The following TMOD3 variants were observed in gnomAD, a reference collection of about 807,000 sequenced individuals.
TMOD3 encodes the protein tropomodulin 3, also known as tropomodulin-3.
TMOD3 carries 20 observed loss-of-function variants against 39.2 expected under a neutral mutation model. The ratio of observed to expected loss-of-function variants is 0.51; its 90% CI spans 0.36 to 0.74. TMOD3 has a LOEUF of 0.74. Among genes scored for constraint, TMOD3 ranks in the 30% least tolerant of loss-of-function variants. The pLI is 0.00. For synonymous variants in TMOD3, 143 were observed against 145.8 expected, an observed-to-expected ratio of 0.98 and a Z score of 0.14; for missense variants, 381 against 412.8, an observed-to-expected ratio of 0.92 and a Z score of 0.67.
chr15:51,848,894 CT>C (rs1229483998), intron 1 of TMOD3, among the ~76,000 whole-genome samples: 16 of 152,166 alleles, frequency 1.1e-4, no homozygotes, highest in African/African-American at 3.9e-4. Context: ...AGGCCAATTT[CT>C]AATTTTGGGG....
At chr15:51,852,579 C>T (rs1196876448) in intron 1 of TMOD3, among the ~76,000 whole-genome samples, 4 of 152,050 alleles carry the variant, frequency 2.6e-5, no homozygotes, top group Admixed American at 2.6e-4. Flanking sequence ...GAAGAAGGGG[C>T]TGCAAAGGAT....
intron 1 of TMOD3, among the ~76,000 whole-genome samples, chr15:51,857,147 G>A (rs72732907): frequency 0.031 from 4,729 of 152,276 alleles, 96 homozygotes; most frequent in Admixed American, 0.047. Flanking sequence ...CATACTCTGC[G>A]AGTCTGTTTA....
intron 5 of TMOD3, chr15:51,892,307 C>A (rs1196469818): frequency 6.6e-6 from 1 of 150,590 alleles, no homozygotes; most frequent in Admixed American, 6.7e-5. Context: ...ACTTGAATGA[C>A]CACAAAAAAG....
At chr15:51,896,941 A>G (rs1443999473) in intron 7 of TMOD3, among the ~76,000 whole-genome samples, 1 of 152,204 alleles carries the variant, frequency 6.6e-6, no homozygotes, top group African/African-American at 2.4e-5. Context: ...TGAGATGTTC[A>G]TATGGTTTTT....
At position 51,860,879 on chromosome 15, in the gene TMOD3, T is replaced by C. The variant is rs182046406; in HGVS notation, c.-74-1932T>C. The C allele has an allele frequency of 1.3e-5, 5 of 382,546 alleles. No homozygotes were observed. In the East Asian group the frequency reaches 3.4e-4, roughly 26 times the overall value. The allele number at this position is 382,546 out of a possible 1,614,324, so 23.7% of individuals were successfully genotyped here. A position where few individuals can be genotyped will look rare whatever the true frequency, so the allele number is the denominator to read the frequency against. ...TGAACCCAGGAGGCAGAGGTTGCAGTGAGCCGAGGTCATGCCACTGCACTC... is the reference window on the plus strand; with the variant it reads ...TGAACCCAGGAGGCAGAGGTTGCAGCGAGCCGAGGTCATGCCACTGCACTC... On this transcript the variant is annotated intron_variant, in intron 1 of 9. Coordinates refer to ENST00000308580, the MANE Select transcript of TMOD3 (RefSeq NM_014547.5).
chr15:51,858,492 A>G (rs2056399437), intron 1 of TMOD3: 1 of 152,022 alleles, frequency 6.6e-6, no homozygotes, highest in Middle Eastern at 3.2e-3. Flanking sequence ...ACAGGTATAC[A>G]CCAGACCTGT....
In TMOD3 at chr15:51,908,842, A is replaced by C; in HGVS notation, c.*32A>C. On this transcript the variant is annotated 3_prime_UTR_variant, in exon 10 of 10. Transcript: ENST00000308580. Reference sequence around the variant, plus strand: ...AAAGGTGTAATCTTTGGAAGACTTCAGAAGATCACCAAGGGCTCATGTTGG... The same window carrying C: ...AAAGGTGTAATCTTTGGAAGACTTCCGAAGATCACCAAGGGCTCATGTTGG... The C allele has an allele frequency of 6.3e-7, 1 of 1,582,488 alleles. No homozygotes were observed. The highest frequency in any genetic ancestry group is 8.6e-7 in the Non-Finnish European group (1 of 1,163,756).
intron 3 of TMOD3, among the ~76,000 whole-genome samples, chr15:51,869,609 C>T (rs1239508852): frequency 6.6e-6 from 1 of 152,134 alleles, no homozygotes; most frequent in Non-Finnish European, 1.5e-5. Flanking sequence ...TTTTGAATAA[C>T]ATTCTTTAAT....
chr15:51,869,160 A>G, intron 2 of TMOD3, 57 bp from the exon 3 acceptor site: 6 of 1,557,626 alleles, frequency 3.9e-6, no homozygotes, highest in Non-Finnish European at 5.2e-6. Flanking sequence ...AATCTTCGGA[A>G]GCATATAGCA....
chr15:51,896,795 T>C (rs148823014), intron 7 of TMOD3, among the ~76,000 whole-genome samples: 39 of 152,340 alleles, frequency 2.6e-4, no homozygotes, highest in African/African-American at 9.4e-4. Flanking sequence ...AACTTGATTT[T>C]TCACTCTGCA....
chr15:51,907,771 G>A (rs1200571889), intron 9 of TMOD3, among the ~76,000 whole-genome samples: 2 of 152,170 alleles, frequency 1.3e-5, no homozygotes, highest in African/African-American at 2.4e-5. Context: ...AGGTGAGAGC[G>A]CAGGTAGCAA....
rs1006366067 is a variant in TMOD3, at chr15:51,838,090, C to G, written c.-75+8254C>G. The stretch of plus-strand genomic sequence containing the variant: ...TGGAGGCGTACTTACTTCTGTGTAA[C>G]ACAGGGTGTGTGAAGATCGCTCCTT... On this transcript the variant is annotated intron_variant, in intron 1 of 9. Coordinates refer to ENST00000308580, the MANE Select transcript of TMOD3 (RefSeq NM_014547.5). 5.3e-5 allele frequency among the ~76,000 whole-genome samples: 8 copies of G among 152,180 alleles called. 1 individual carries two copies. The highest frequency in any genetic ancestry group is 8.8e-5 in the Non-Finnish European group (6 of 68,036).
chr15:51,885,340 G>T (rs1566863230), intron 3 of TMOD3, among the ~76,000 whole-genome samples: 1 of 150,598 alleles, frequency 6.6e-6, no homozygotes, highest in Non-Finnish European at 1.5e-5. Flanking sequence ...TCTCGGAGAG[G>T]GGGACTTGGC....
intron 7 of TMOD3, chr15:51,899,044 C>G (rs956501135): frequency 1.3e-5 from 2 of 152,134 alleles, no homozygotes; most frequent in African/African-American, 4.8e-5. Context: ...TTTATTAGCC[C>G]CTTCTTCTCA....
chr15:51,887,797 T>C, intron 4 of TMOD3, 86 bp downstream of exon 4: 1 of 1,539,918 alleles, frequency 6.5e-7, no homozygotes, highest in Non-Finnish European at 8.8e-7. Context: ...TATACAAACG[T>C]TTGCTTTACC....
At chr15:51,878,339 C>A (rs1198263873) in intron 3 of TMOD3, among the ~76,000 whole-genome samples, 2 of 151,244 alleles carry the variant, frequency 1.3e-5, no homozygotes, top group Non-Finnish European at 2.9e-5. Context: ...TCAAGACCAA[C>A]CTGGCCAACA....
chr15:51,852,517 A>G (rs1404530312), intron 1 of TMOD3, among the ~76,000 whole-genome samples: 1 of 152,200 alleles, frequency 6.6e-6, no homozygotes. Context: ...GAGATTAGAC[A>G]GCAGAGAACT....
At chr15:51,840,866 T>C (rs898692765) in intron 1 of TMOD3, among the ~76,000 whole-genome samples, 1 of 152,258 alleles carries the variant, frequency 6.6e-6, no homozygotes, top group Non-Finnish European at 1.5e-5. Context: ...TCCTTTTCTT[T>C]TATCTCCAGC....
intron 1 of TMOD3, among the ~76,000 whole-genome samples, chr15:51,857,654 T>C (rs2056394926): frequency 1.3e-5 from 2 of 152,208 alleles, no homozygotes; most frequent in African/African-American, 4.8e-5. Context: ...ATTAAACTTA[T>C]ATCTATGTAT....
Sources: gnomAD v4.1 joint callset for allele counts (sites outside exome capture counted in the v4.1 genomes callset) on GRCh38, gnomAD v4.1.1 for gene constraint, MANE v1.5 for transcripts, NCBI Gene and HGNC (gene_info 2026-07-23, HGNC 2026-07-21) for gene names.